AIM2: variants seen among roughly 807,000 people sequenced by gnomAD.
AIM2 encodes absent in melanoma 2.
In AIM2, 30 loss-of-function variants were observed where a neutral mutation model predicts 27.7. That is an observed-to-expected ratio of 1.08 (90% CI 0.81 to 1.47). The LOEUF is 1.47. AIM2 is among the 40% of genes most tolerant of loss of function. The pLI, the probability that AIM2 is intolerant of heterozygous loss-of-function variation, is 0.00. For missense variants in AIM2, 358 were observed against 411.3 expected (o/e 0.87, Z 1.12); for synonymous variants, 141 against 145.3 (o/e 0.97, Z 0.21).
At chr1:159,070,311 A>G (rs1463741168) in intron 2 of AIM2, among the ~76,000 whole-genome samples, 1 of 152,228 alleles carries the variant, frequency 6.6e-6, no homozygotes, top group Non-Finnish European at 1.5e-5. Flanking sequence ...CCTTGTACCT[A>G]TTAGCAATTC....
At chr1:159,070,650 T>C (rs1347160322) in intron 2 of AIM2, among the ~76,000 whole-genome samples, 1 of 152,216 alleles carries the variant, frequency 6.6e-6, no homozygotes, top group Non-Finnish European at 1.5e-5. Flanking sequence ...ATTTAATTAT[T>C]AGAGCTAAGA....
At chr1:159,063,012 C>G (rs1025928442) in intron 5 of AIM2, among the ~76,000 whole-genome samples, 4 of 152,080 alleles carry the variant, frequency 2.6e-5, no homozygotes, top group African/African-American at 9.7e-5. Flanking sequence ...GGAAGAGCAC[C>G]AAGTAGTGGC....
upstream of AIM2, chr1:159,081,527 C>T (rs1656774985): frequency 3.8e-6 from 2 of 520,494 alleles, no homozygotes; most frequent in Admixed American, 2.0e-5. Context: ...AACATTGGTG[C>T]TGCAGAAGTC....
chr1:159,071,313 A>G (rs147441665), intron 2 of AIM2, among the ~76,000 whole-genome samples: 1 of 152,370 alleles, frequency 6.6e-6, no homozygotes, highest in African/African-American at 2.4e-5. Flanking sequence ...GAGAAGGATC[A>G]CTTAACCAAG....
intron 1 of AIM2, among the ~76,000 whole-genome samples, chr1:159,101,819 G>A (rs557470061): frequency 3.3e-5 from 5 of 152,296 alleles, no homozygotes; most frequent in South Asian, 4.1e-4. Flanking sequence ...TCTGGTGGGA[G>A]AAATTTCTAA....
chr1:159,137,211 A>C (rs997048657), intron 1 of AIM2, among the ~76,000 whole-genome samples: 2 of 152,132 alleles, frequency 1.3e-5, no homozygotes, highest in African/African-American at 4.8e-5. Context: ...TGAAAATTTG[A>C]TGGAATAGTT....
chr1:159,104,284 C>A (rs1448418398), intron 1 of AIM2, among the ~76,000 whole-genome samples: 2 of 152,136 alleles, frequency 1.3e-5, no homozygotes, highest in African/African-American at 4.8e-5. Context: ...TGGCTGCAGG[C>A]ATGGACTCCA....
At chr1:159,078,777 TC>T (rs1204013697), upstream of AIM2, among the ~76,000 whole-genome samples, 3 of 152,132 alleles carry the variant, frequency 2.0e-5, no homozygotes, top group African/African-American at 7.2e-5. Flanking sequence ...AAAAGTGGGA[TC>T]CCCAAGCCCT....
intron 1 of AIM2, among the ~76,000 whole-genome samples, chr1:159,111,998 C>T (rs1221816969): frequency 6.6e-6 from 1 of 151,854 alleles, no homozygotes; most frequent in Non-Finnish European, 1.5e-5. Context: ...GCCAAGATTG[C>T]CCCACTGCAC....
chr1:159,080,561 G>T (rs1656753555), upstream of AIM2, among the ~76,000 whole-genome samples: 1 of 152,160 alleles, frequency 6.6e-6, no homozygotes, highest in Non-Finnish European at 1.5e-5. Context: ...CCTTTAAACA[G>T]TGGTTTCCAA....
Position 159,066,304 on chromosome 1 carries a change from TG to T in AIM2, c.421del (p.Gln141SerfsTer19). ...VKPEQKQMVA[Q>X]QESIREGFQK... Reference sequence around the variant, plus strand: ...AAACCCTTCTCTGATAGATTCCTGCTGGGCCACCATCTGTTTCTGTTCAGGC... The same window carrying T: ...AAACCCTTCTCTGATAGATTCCTGCTGGCCACCATCTGTTTCTGTTCAGGC... On this transcript the variant is annotated frameshift_variant, in exon 4 of 6. Coordinates refer to ENST00000368130, the MANE Select transcript of AIM2 (RefSeq NM_004833.3). LOFTEE classifies it high-confidence loss of function. 1 of 1,613,252 alleles carries T rather than the reference TG, an allele frequency of 6.2e-7. No homozygotes were observed. The highest frequency in any genetic ancestry group is 8.5e-7 in the Non-Finnish European group (1 of 1,179,692).
At chr1:159,145,935 A>C (rs1380769658) in intron 1 of AIM2, among the ~76,000 whole-genome samples, 1 of 152,040 alleles carries the variant, frequency 6.6e-6, no homozygotes, top group Non-Finnish European at 1.5e-5. Context: ...GTGAAACCCC[A>C]TCTCTACTAA....
intron 1 of AIM2, 105 bp from the exon 2 acceptor site, chr1:159,073,624 T>C (rs1428090148): frequency 3.0e-5 from 35 of 1,178,062 alleles, no homozygotes; most frequent in Non-Finnish European, 3.8e-5. Context: ...AATAAAATAT[T>C]TGCAGTAGTA....
At chr1:159,118,960 G>T (rs1647457381) in intron 1 of AIM2, among the ~76,000 whole-genome samples, 1 of 152,080 alleles carries the variant, frequency 6.6e-6, no homozygotes, top group African/African-American at 2.4e-5. Context: ...TTGCTCACAG[G>T]TCTGTGATTT....
chr1:159,075,534 TACACACACACACACACACACACACAC>T (rs55988373), intron 1 of AIM2, among the ~76,000 whole-genome samples: 4 of 129,470 alleles, frequency 3.1e-5, no homozygotes, highest in African/African-American at 1.2e-4. Flanking sequence ...ATACCTGCAA[TACACACACACACACACACACACACAC>T]ACACACACAC....
chr1:159,137,532 CTG>C (rs1648034413), intron 1 of AIM2, among the ~76,000 whole-genome samples: 1 of 152,152 alleles, frequency 6.6e-6, no homozygotes, highest in Non-Finnish European at 1.5e-5. Flanking sequence ...TGGTGCGCGT[CTG>C]TACTCCCAGC....
chr1:159,106,657 C>G (rs1468073662), intron 1 of AIM2, among the ~76,000 whole-genome samples: 1 of 152,224 alleles, frequency 6.6e-6, no homozygotes, highest in Admixed American at 6.5e-5. Context: ...TTAGAACATT[C>G]TCTGTCTCCT....
At chr1:159,093,995 C>T (rs896493516) in intron 1 of AIM2, among the ~76,000 whole-genome samples, 3 of 151,920 alleles carry the variant, frequency 2.0e-5, no homozygotes, top group African/African-American at 7.3e-5. Flanking sequence ...CTGCCTCGGC[C>T]TCCTAAAGTG....
chr1:159,130,402 C>T (rs573198893), intron 1 of AIM2, among the ~76,000 whole-genome samples: 26 of 152,298 alleles, frequency 1.7e-4, no homozygotes, highest in Admixed American at 1.2e-3. Context: ...TCTACTGGTA[C>T]ATATTTGACA....
Sources: allele counts gnomAD v4.1 joint callset (sites outside exome capture counted in the v4.1 genomes callset), GRCh38; gene constraint gnomAD v4.1.1; transcripts MANE v1.5; gene names NCBI Gene and HGNC (gene_info 2026-07-23, HGNC 2026-07-21).